TTYH1: variants seen among roughly 807,000 people sequenced by gnomAD.
The protein encoded by TTYH1 is protein tweety homolog 1.
A neutral mutation model predicts 61.2 loss-of-function variants in TTYH1; 33 were observed. The observed-to-expected ratio is 0.54, with a 90% confidence interval of 0.41 to 0.72. TTYH1 has a LOEUF of 0.72. TTYH1 is among the 30% of genes least tolerant of loss of function. The probability of loss-of-function intolerance (pLI) is 0.00; values close to 1 mark genes in which losing one functional copy is unlikely to be tolerated. For synonymous variants in TTYH1, 308 were observed against 266.4 expected, an observed-to-expected ratio of 1.16 and a Z score of -1.52; for missense variants, 538 against 575.8, an observed-to-expected ratio of 0.93 and a Z score of 0.67.
intron 1 of TTYH1, among the ~76,000 whole-genome samples, chr19:54,417,316 C>A (rs771580687): frequency 1.3e-5 from 2 of 151,518 alleles, no homozygotes; most frequent in African/African-American, 2.4e-5. Flanking sequence ...CACTCACATG[C>A]ACACACTCAG....
chr19:54,423,789 G>T (rs2122889198), intron 4 of TTYH1, among the ~76,000 whole-genome samples: 1 of 152,326 alleles, frequency 6.6e-6, no homozygotes, highest in Non-Finnish European at 1.5e-5. Context: ...CCACGTGGCT[G>T]CGTCCTCCGG....
At chr19:54,424,563 G>T (rs920843001) in intron 4 of TTYH1, among the ~76,000 whole-genome samples, 1 of 152,248 alleles carries the variant, frequency 6.6e-6, no homozygotes. Flanking sequence ...AGGCCCAGGG[G>T]CTGCACAAGC....
chr19:54,417,743 C>G (rs2083117660), intron 1 of TTYH1, among the ~76,000 whole-genome samples: 1 of 151,782 alleles, frequency 6.6e-6, no homozygotes, highest in African/African-American at 2.4e-5. Context: ...CACATATTGA[C>G]TATAGCATTC....
Position 54,416,990 on chromosome 19 carries a change from G to A in TTYH1, c.126+1312G>A, listed in dbSNP as rs1289390175. On this transcript the variant is annotated intron_variant, in intron 1 of 13. Coordinates refer to ENST00000376530, the MANE Select transcript of TTYH1 (RefSeq NM_020659.4). The surrounding 1 kb of genome is among the most constrained non-coding windows in gnomAD (Gnocchi z 7.0). ...GGGTCAGGGTCAGGGTGGCAGGGATGCGCGGGCAGAGCCCCACAGCCGAGG... is the reference window on the plus strand; with the variant it reads ...GGGTCAGGGTCAGGGTGGCAGGGATACGCGGGCAGAGCCCCACAGCCGAGG... The A allele has an allele frequency of 1.2e-5, 14 of 1,203,514 alleles. 1 individual carries two copies. The Admixed American group carries it at 1.9e-4, about 16-fold the overall frequency. The allele number at this position is 1,203,514 out of a possible 1,614,324, so 74.6% of individuals were successfully genotyped here. A position where few individuals can be genotyped will look rare whatever the true frequency, so the allele number is the denominator to read the frequency against.
chr19:54,419,185 A>T lies in TTYH1; in HGVS notation c.184A>T (p.Ile62Phe), dbSNP rs777770375. ...GLGLGLSLIF[I>F]AVYLIRFCCC... The stretch of plus-strand genomic sequence containing the variant: ...GGGCTTGGGCCTGAGCCTCATTTTC[A>T]TCGCTGTCTACCTCATCCGCTTCTG... The change falls in exon 2 of 14, where the codon ATC (isoleucine) becomes TTC (phenylalanine). Residue 62 changes from isoleucine (I) to phenylalanine (F), a missense_variant. By Grantham distance (21) the Ile-to-Phe change is conservative (BLOSUM62 0). This residue lies in a region of TTYH1 where 157 missense variants were observed against 157.0 expected (regional missense o/e 1.00). Transcript: ENST00000376530. This position sits in a 1 kb window ranked among gnomAD's most constrained non-coding sequence, Gnocchi z 6.1. The T allele has an allele frequency of 1.1e-5, 18 of 1,612,810 alleles. No homozygotes were observed. Among genetic ancestry groups the T allele is most frequent in the Non-Finnish European group, 1.5e-5 (18 of 1,179,932 alleles).
rs1424558556 is a variant in TTYH1, at chr19:54,416,491, G to A, written c.126+813G>A. The A allele has an allele frequency of 6.6e-6, 2 of 303,134 alleles. No homozygotes were observed. Among genetic ancestry groups the A allele is most frequent in the African/African-American group, 4.6e-5 (2 of 43,890 alleles). The allele number at this position is 303,134 out of a possible 1,614,324, so 18.8% of individuals were successfully genotyped here. A position where few individuals can be genotyped will look rare whatever the true frequency, so the allele number is the denominator to read the frequency against. ...TCGAGATTAATGAGGAGAAAGGCTT[G>A]GCTGAGCTGGGGACGGGTGGGGGTG... On this transcript the variant is annotated intron_variant, in intron 1 of 13. Transcript: ENST00000376530. The surrounding 1 kb of genome is among the most constrained non-coding windows in gnomAD (Gnocchi z 7.0).
rs1014297192 is a variant in TTYH1, at chr19:54,420,201, G to A, written c.305+895G>A. ...CTCCCCGGCAGGGCAGCACCCACAG[G>A]TTGCAGACAGCAATCCTCTTCCACA... is the stretch of plus-strand genomic sequence containing the variant. On this transcript the variant is annotated intron_variant, in intron 2 of 13. Coordinates refer to ENST00000376530, the MANE Select transcript of TTYH1 (RefSeq NM_020659.4). The surrounding 1 kb of genome is among the most constrained non-coding windows in gnomAD (Gnocchi z 4.8). Among the ~76,000 whole-genome samples the A allele has an allele frequency of 6.6e-6, 1 of 152,182 alleles. No homozygotes were observed. Among genetic ancestry groups the A allele is most frequent in the African/African-American group, 2.4e-5 (1 of 41,440 alleles).
At position 54,415,525 on chromosome 19, in the gene TTYH1, C is replaced by T; in HGVS notation, c.-28C>T. 7.1e-7 allele frequency: 1 copy of T among 1,403,462 alleles called. No individual in the cohort carries two copies. Among genetic ancestry groups the T allele is most frequent in the Non-Finnish European group, 9.2e-7 (1 of 1,084,186 alleles). 86.9% of individuals were successfully genotyped at this position (1,403,462 alleles called of 1,614,324 possible). A position where few individuals can be genotyped will look rare whatever the true frequency, so the allele number is the denominator to read the frequency against. ...CGGAGGCTCCCGCAGCCCCGGCGTC[C>T]GCCCCGCTGCCCCCTCCCCCGGGGG... On this transcript the variant is annotated 5_prime_UTR_variant, in exon 1 of 14. Transcript: ENST00000376530. The surrounding 1 kb of genome is among the most constrained non-coding windows in gnomAD (Gnocchi z 5.2).
At chr19:54,422,687 A>G (rs1373132620) in intron 4 of TTYH1, among the ~76,000 whole-genome samples, 1 of 151,930 alleles carries the variant, frequency 6.6e-6, no homozygotes, top group Non-Finnish European at 1.5e-5. Flanking sequence ...CAGCACTTTT[A>G]GGAGGCCAAG....
In TTYH1 at chr19:54,419,330, G is replaced by A. The variant is rs1259793803; in HGVS notation, c.305+24G>A. On this transcript the variant is annotated intron_variant, in intron 2 of 13. Coordinates refer to ENST00000376530, the MANE Select transcript of TTYH1 (RefSeq NM_020659.4). The surrounding 1 kb of genome is among the most constrained non-coding windows in gnomAD (Gnocchi z 6.1). ...TGGTAATGGGGCCCCAGGGTGGGTG[G>A]GCGGTGGGGACAGGGCTCCCCAAGC... is the stretch of plus-strand genomic sequence containing the variant. 6.3e-7 allele frequency: 1 copy of A among 1,582,972 alleles called. No individual in the cohort carries two copies. The highest frequency in any genetic ancestry group is 8.5e-7 in the Non-Finnish European group (1 of 1,170,300).
rs377685123 is a variant in TTYH1 at position 54,435,698 on chromosome 19, G to A, written c.1268+14G>A. On this transcript the variant is annotated intron_variant, in intron 11 of 13. Coordinates refer to ENST00000376530, the MANE Select transcript of TTYH1 (RefSeq NM_020659.4). ...CTTCCCACCCAGGTCAGGAGCGGGG[G>A]AGGGTAGGGTCCTGGGGAGGGAAGA... 49 of 1,608,566 alleles carry A rather than the reference G, an allele frequency of 3.0e-5. 1 individual carries two copies. In the East Asian group the frequency reaches 4.7e-4, roughly 15 times the overall value.
Position 54,416,847 on chromosome 19 carries a change from C to T in TTYH1, c.126+1169C>T, listed in dbSNP as rs1325982209. ...GCCGCTCCACCGGCTCCGGCCTCGG[C>T]CCAGACTCACGCCCGCTCTGGCCCG... On this transcript the variant is annotated intron_variant, in intron 1 of 13. Transcript: ENST00000376530. The surrounding 1 kb of genome is among the most constrained non-coding windows in gnomAD (Gnocchi z 7.0). 1 of 1,293,368 alleles carries T rather than the reference C, an allele frequency of 7.7e-7. No individual in the cohort carries two copies. The allele number at this position is 1,293,368 out of a possible 1,614,324, so 80.1% of individuals were successfully genotyped here.
rs113848681 is a variant in TTYH1, at chr19:54,416,719, A to C, written c.126+1041A>C. On this transcript the variant is annotated intron_variant, in intron 1 of 13. Coordinates refer to ENST00000376530, the MANE Select transcript of TTYH1 (RefSeq NM_020659.4). The surrounding 1 kb of genome is among the most constrained non-coding windows in gnomAD (Gnocchi z 7.0). ...GGTCACGGCTGGCACAGCCCTGAGCAGCTCTTCCCCGCCTGCTCCTCGCCG... is the reference window on the plus strand; with the variant it reads ...GGTCACGGCTGGCACAGCCCTGAGCCGCTCTTCCCCGCCTGCTCCTCGCCG... 2.6e-3 allele frequency: 3,393 copies of C among 1,283,260 alleles called. 89 individuals are homozygous for C. In the African/African-American group the frequency reaches 0.047, roughly 18 times the overall value. The allele number at this position is 1,283,260 out of a possible 1,614,324, so 79.5% of individuals were successfully genotyped here. A position where few individuals can be genotyped will look rare whatever the true frequency, so the allele number is the denominator to read the frequency against.
At chr19:54,422,908 G>A (rs560890643) in intron 4 of TTYH1, among the ~76,000 whole-genome samples, 47 of 127,386 alleles carry the variant, frequency 3.7e-4, no homozygotes, top group Non-Finnish European at 6.8e-4. Flanking sequence ...CAGCCTGGGC[G>A]ATAGAGTGAG....
chr19:54,417,685 A>G (rs1361962047), intron 1 of TTYH1, among the ~76,000 whole-genome samples: 5 of 145,130 alleles, frequency 3.4e-5, no homozygotes, highest in African/African-American at 1.3e-4. Context: ...TTATACTCCC[A>G]TACACACACA....
chr19:54,418,652 G>A (rs2083139031), intron 1 of TTYH1: 1 of 157,034 alleles, frequency 6.4e-6, no homozygotes. Flanking sequence ...GAGACAGTGA[G>A]CAGGGAGGAG....
chr19:54,436,758 C>T lies in TTYH1; in HGVS notation c.*468C>T, dbSNP rs2083562063. ...TATTTCTCCTCTCCCTTGATTCGGC[C>T]TCCTGGCCAGGGCTGGGACATCCTC... On this transcript the variant is annotated 3_prime_UTR_variant, in exon 14 of 14. Coordinates refer to ENST00000376530, the MANE Select transcript of TTYH1 (RefSeq NM_020659.4). This position sits in a 1 kb window ranked among gnomAD's most constrained non-coding sequence, Gnocchi z 4.3. 4.1e-6 allele frequency: 1 copy of T among 243,378 alleles called. No individual in the cohort carries two copies. Among genetic ancestry groups the T allele is most frequent in the Admixed American group, 5.0e-5 (1 of 20,016 alleles). The allele number at this position is 243,378 out of a possible 1,614,324, so 15.1% of individuals were successfully genotyped here.
At chr19:54,418,043 G>A (rs965891881) in intron 1 of TTYH1, among the ~76,000 whole-genome samples, 2 of 151,840 alleles carry the variant, frequency 1.3e-5, no homozygotes, top group African/African-American at 4.8e-5. Flanking sequence ...CACTGTGTGT[G>A]TGTATGTGTG....
chr19:54,432,241 G>A (rs116213015), intron 10 of TTYH1: 1 of 152,470 alleles, frequency 6.6e-6, no homozygotes, highest in African/African-American at 2.4e-5. Flanking sequence ...AACAAAACCA[G>A]TAAGAGCTGT....
Sources: gnomAD v4.1 joint callset for allele counts (sites outside exome capture counted in the v4.1 genomes callset) on GRCh38, gnomAD v4.1.1 for gene constraint, gnomAD v4.1.1 regional missense constraint, Gnocchi (gnomAD v3.1) non-coding constraint, MANE v1.5 for transcripts, NCBI Gene and HGNC (gene_info 2026-07-23, HGNC 2026-07-21) for gene names.